Variants in SKIC2 observed in about 807,000 individuals in gnomAD.
The protein encoded by SKIC2 is superkiller complex protein 2.
chr6:31,959,512 A>G, the SKIC2 span: 1 of 776,026 alleles, frequency 1.3e-6, no homozygotes, highest in Non-Finnish European at 2.3e-6. Context: ...ACTCCTGTCC[A>G]TCCCAGCCTG....
chr6:31,963,427 G>A, the SKIC2 span: 4 of 1,584,148 alleles, frequency 2.5e-6, no homozygotes, highest in East Asian at 4.5e-5. The surrounding 1 kb of genome is among the most constrained non-coding windows in gnomAD (Gnocchi z 5.3). Flanking sequence ...CTGAAGCGTC[G>A]TCAGATCTAT....
At chr6:31,962,791 A>T in the SKIC2 span, 11 of 1,610,720 alleles carry the variant, frequency 6.8e-6, no homozygotes, top group Non-Finnish European at 9.3e-6. This position sits in a 1 kb window ranked among gnomAD's most constrained non-coding sequence, Gnocchi z 5.0. Flanking sequence ...TATATCAACG[A>T]TGTCGAGGTA....
the SKIC2 span, chr6:31,966,647 A>G: frequency 6.3e-7 from 1 of 1,583,934 alleles, no homozygotes; most frequent in Non-Finnish European, 8.7e-7. This position sits in a 1 kb window ranked among gnomAD's most constrained non-coding sequence, Gnocchi z 5.9. Context: ...CCAGTCCAGA[A>G]GACTGGCTGG....
At chr6:31,962,977 G>T in the SKIC2 span, 4 of 1,603,846 alleles carry the variant, frequency 2.5e-6, no homozygotes, top group Non-Finnish European at 3.4e-6. This position sits in a 1 kb window ranked among gnomAD's most constrained non-coding sequence, Gnocchi z 5.0. Flanking sequence ...TTCCCTCTCT[G>T]TGCCCAGCGT....
At chr6:31,960,162 G>A in the SKIC2 span, 1 of 1,607,378 alleles carries the variant, frequency 6.2e-7, no homozygotes, top group Middle Eastern at 1.7e-4. Context: ...ATGGGTTCCT[G>A]AAGGAAGCTG....
the SKIC2 span, chr6:31,963,917 G>C: frequency 6.2e-7 from 1 of 1,609,538 alleles, no homozygotes; most frequent in Non-Finnish European, 8.5e-7. This position sits in a 1 kb window ranked among gnomAD's most constrained non-coding sequence, Gnocchi z 5.3. Context: ...CTCCAGGACC[G>C]CGGAGTGTAC....
the SKIC2 span, chr6:31,963,211 A>G: frequency 4.9e-6 from 4 of 816,654 alleles, no homozygotes; most frequent in East Asian, 1.0e-4. This position sits in a 1 kb window ranked among gnomAD's most constrained non-coding sequence, Gnocchi z 5.3. Flanking sequence ...ATGCTGGGGA[A>G]CATGTCCCAC....
chr6:31,965,513 A>G, the SKIC2 span, among the ~76,000 whole-genome samples: 2 of 152,232 alleles, frequency 1.3e-5, no homozygotes, highest in African/African-American at 2.4e-5. This position sits in a 1 kb window ranked among gnomAD's most constrained non-coding sequence, Gnocchi z 5.6. Flanking sequence ...ATATAAAAAG[A>G]TATTTGTTGG....
At chr6:31,968,188 G>GGGGTTGTA in the SKIC2 span, 1 of 1,525,394 alleles carries the variant, frequency 6.6e-7, no homozygotes, top group Non-Finnish European at 9.0e-7. The surrounding 1 kb of genome is among the most constrained non-coding windows in gnomAD (Gnocchi z 6.1). Flanking sequence ...ATGAAGTGGT[G>GGGGTTGTA]GGGTTGTAGT....
the SKIC2 span, chr6:31,959,997 G>C: frequency 6.3e-7 from 1 of 1,588,632 alleles, no homozygotes; most frequent in African/African-American, 1.3e-5. Flanking sequence ...CTCTCATCTT[G>C]CCCTTGTTTC....
chr6:31,959,385 A>C, the SKIC2 span: 1 of 1,612,838 alleles, frequency 6.2e-7, no homozygotes, highest in Non-Finnish European at 8.5e-7. Context: ...ACTTGCCTGG[A>C]GCTCCAGAGA....
At chr6:31,961,281 T>C in the SKIC2 span, 1 of 1,610,062 alleles carries the variant, frequency 6.2e-7, no homozygotes, top group Non-Finnish European at 8.5e-7. Flanking sequence ...AGGATGAGAA[T>C]GAGGCAGTGG....
the SKIC2 span, chr6:31,961,531 C>T: frequency 6.3e-7 from 1 of 1,587,068 alleles, no homozygotes; most frequent in Non-Finnish European, 8.6e-7. Context: ...ATCACTGCTA[C>T]CCCTGACTCT....
the SKIC2 span, chr6:31,969,709 C>G: frequency 8.2e-6 from 13 of 1,590,804 alleles, no homozygotes; most frequent in Non-Finnish European, 1.1e-5. This position sits in a 1 kb window ranked among gnomAD's most constrained non-coding sequence, Gnocchi z 6.1. Flanking sequence ...GCCTCTACAC[C>G]CAGTGAATGC....
chr6:31,969,428 C>T, the SKIC2 span: 1 of 1,614,022 alleles, frequency 6.2e-7, no homozygotes, highest in East Asian at 2.2e-5. This position sits in a 1 kb window ranked among gnomAD's most constrained non-coding sequence, Gnocchi z 6.1. Context: ...ATGGTGAGTA[C>T]CTGAGGTTTG....
the SKIC2 span, chr6:31,960,935 C>G: frequency 1.0e-6 from 1 of 961,988 alleles, no homozygotes; most frequent in Non-Finnish European, 1.7e-6. Context: ...AGCAAACATC[C>G]CTATCTACAG....
the SKIC2 span, chr6:31,965,691 C>T: frequency 4.1e-6 from 3 of 734,638 alleles, no homozygotes; most frequent in African/African-American, 5.2e-5. The surrounding 1 kb of genome is among the most constrained non-coding windows in gnomAD (Gnocchi z 5.6). Context: ...GGGATGGTGC[C>T]TTATGCCTAC....
At chr6:31,966,820 G>A in the SKIC2 span, 1 of 1,614,168 alleles carries the variant, frequency 6.2e-7, no homozygotes, top group Non-Finnish European at 8.5e-7. This position sits in a 1 kb window ranked among gnomAD's most constrained non-coding sequence, Gnocchi z 5.9. Context: ...GAGCTTCTCT[G>A]AGTTTCCCTC....
the SKIC2 span, chr6:31,963,616 C>T: frequency 6.5e-7 from 1 of 1,531,670 alleles, no homozygotes; most frequent in African/African-American, 1.4e-5. The surrounding 1 kb of genome is among the most constrained non-coding windows in gnomAD (Gnocchi z 5.3). Context: ...GACATTGTGG[C>T]TACCCCTCCC....
Sources: gnomAD v4.1 joint callset for allele counts (sites outside exome capture counted in the v4.1 genomes callset) on GRCh38, gnomAD v4.1.1 for gene constraint, Gnocchi (gnomAD v3.1) non-coding constraint, MANE v1.5 for transcripts, NCBI Gene and HGNC (gene_info 2026-07-23, HGNC 2026-07-21) for gene names.